Variants in KLF7 observed in about 807,000 individuals in gnomAD.
KLF7 encodes Krueppel-like factor 7.
A neutral mutation model predicts 27.3 loss-of-function variants in KLF7; 2 were observed. The observed-to-expected ratio is 0.07, with a 90% CI of 0.03 to 0.23. The LOEUF (loss-of-function observed/expected upper bound fraction) is 0.23. Ranked by LOEUF, KLF7 falls within the 10% of genes least tolerant of loss-of-function variation. The pLI is 1.00. For synonymous variants in KLF7, 165 were observed against 162.4 expected, an observed-to-expected ratio of 1.02 and a Z score of -0.12; for missense variants, 221 against 394.1, an observed-to-expected ratio of 0.56 and a Z score of 3.72.
At chr2:207,159,436 T>C (rs2078479254) in intron 1 of KLF7, among the ~76,000 whole-genome samples, 1 of 152,252 alleles carries the variant, frequency 6.6e-6, no homozygotes, top group Non-Finnish European at 1.5e-5. Context: ...TCTTTCTTTC[T>C]TTCCTTCTTT....
chr2:207,134,102 A>G (rs757008085), intron 1 of KLF7: 1 of 1,527,976 alleles, frequency 6.5e-7, no homozygotes, highest in East Asian at 2.5e-5. Flanking sequence ...CAGTTACATC[A>G]TCTCCCCTTC....
chr2:207,126,505 T>A (rs1378372614), intron 1 of KLF7, among the ~76,000 whole-genome samples: 1 of 152,194 alleles, frequency 6.6e-6, no homozygotes, highest in African/African-American at 2.4e-5. Context: ...AAATGACCAC[T>A]AATACATATC....
chr2:207,115,407 G>GC (rs1299556684), intron 2 of KLF7, among the ~76,000 whole-genome samples: 10 of 152,190 alleles, frequency 6.6e-5, no homozygotes, highest in African/African-American at 2.4e-4. Flanking sequence ...TATTCTCATT[G>GC]CAGACATCCT....
At chr2:207,159,984 G>A (rs941109428) in intron 1 of KLF7, among the ~76,000 whole-genome samples, 4 of 152,080 alleles carry the variant, frequency 2.6e-5, no homozygotes, top group Non-Finnish European at 5.9e-5. Context: ...AACAATCTTA[G>A]GTAAAAGCAT....
intron 1 of KLF7, among the ~76,000 whole-genome samples, chr2:207,150,587 A>G (rs2078215258): frequency 6.6e-6 from 1 of 152,242 alleles, no homozygotes; most frequent in African/African-American, 2.4e-5. Context: ...ATTTGATTAG[A>G]GCAATCCTAC....
intron 2 of KLF7, among the ~76,000 whole-genome samples, chr2:207,123,305 T>G (rs138592687): frequency 1.9e-3 from 282 of 152,322 alleles, no homozygotes; most frequent in African/African-American, 6.6e-3. Flanking sequence ...GAAACCCTCC[T>G]GCTGTTGGTG....
chr2:207,102,126 TCACACACACA>T (rs59384224), intron 2 of KLF7, among the ~76,000 whole-genome samples: 10 of 141,170 alleles, frequency 7.1e-5, no homozygotes, highest in Admixed American at 2.9e-4. Flanking sequence ...ACATTCACAT[TCACACACACA>T]CACACACACA....
At chr2:207,107,278 G>T (rs1366738043) in intron 2 of KLF7, among the ~76,000 whole-genome samples, 2 of 152,094 alleles carry the variant, frequency 1.3e-5, no homozygotes, top group Non-Finnish European at 2.9e-5. Context: ...TCCTTCCAGG[G>T]CAAGCATTAT....
rs1334220517 is a variant in KLF7 at position 207,076,181 on chromosome 2, C to T, written c.*5032G>A. 6.6e-6 allele frequency: 1 copy of T among 152,120 alleles called. No individual in the cohort carries two copies. Among genetic ancestry groups the T allele is most frequent in the African/African-American group, 2.4e-5 (1 of 41,422 alleles). The allele number at this position is 152,120 out of a possible 1,614,324, so 9.4% of individuals were successfully genotyped here. On this transcript the variant is annotated 3_prime_UTR_variant, in exon 4 of 4. Coordinates refer to ENST00000309446, the MANE Select transcript of KLF7 (RefSeq NM_003709.4). ...GAGCATATATACCACCCTCATTATG[C>T]TGACGTGGGGTCCATCTTATGGCAG...
chr2:207,152,232 G>A (rs1047084472), intron 1 of KLF7, among the ~76,000 whole-genome samples: 7 of 148,518 alleles, frequency 4.7e-5, no homozygotes, highest in Non-Finnish European at 1.0e-4. Context: ...ATGCTTCTAT[G>A]TCAGACTAAG....
chr2:207,146,616 T>G (rs1305608167), intron 1 of KLF7, among the ~76,000 whole-genome samples: 1 of 152,076 alleles, frequency 6.6e-6, no homozygotes, highest in African/African-American at 2.4e-5. Context: ...CTCCCACAAG[T>G]AAGTATCTTC....
chr2:207,112,600 A>G (rs921226152), intron 2 of KLF7, among the ~76,000 whole-genome samples: 6 of 152,236 alleles, frequency 3.9e-5, no homozygotes, highest in South Asian at 4.1e-4. Flanking sequence ...TCAATAAAAC[A>G]GCTCCTTCCC....
At chr2:207,106,521 A>T (rs544632265) in intron 2 of KLF7, among the ~76,000 whole-genome samples, 2 of 152,336 alleles carry the variant, frequency 1.3e-5, no homozygotes, top group South Asian at 4.1e-4. Context: ...AGCTGAGTGG[A>T]TGGGCCATTC....
chr2:207,097,178 C>T (rs2076650946), intron 2 of KLF7, among the ~76,000 whole-genome samples: 2 of 152,108 alleles, frequency 1.3e-5, no homozygotes. Context: ...CTGGCTCTGC[C>T]ACATAATAGC....
chr2:207,128,122 G>A (rs1017962264), intron 1 of KLF7, among the ~76,000 whole-genome samples: 5 of 152,064 alleles, frequency 3.3e-5, no homozygotes, highest in African/African-American at 1.2e-4. Context: ...TGGAAGGGCT[G>A]GAACAATGAA....
intron 1 of KLF7, among the ~76,000 whole-genome samples, chr2:207,149,773 C>G (rs1467242048): frequency 6.6e-6 from 1 of 152,176 alleles, no homozygotes; most frequent in Non-Finnish European, 1.5e-5. Flanking sequence ...TTCAACCTTC[C>G]TTCCAAGCTG....
intron 1 of KLF7, among the ~76,000 whole-genome samples, chr2:207,157,894 A>G (rs2078434408): frequency 6.6e-6 from 1 of 152,230 alleles, no homozygotes; most frequent in Non-Finnish European, 1.5e-5. Context: ...TAAAAGAAAT[A>G]GGGAAGCCAG....
At chr2:207,132,422 T>C (rs2077660559) in intron 1 of KLF7, among the ~76,000 whole-genome samples, 1 of 152,350 alleles carries the variant, frequency 6.6e-6, no homozygotes, top group Admixed American at 6.5e-5. Flanking sequence ...TAAACAAACA[T>C]GAAAGCTGAA....
At position 207,074,233 on chromosome 2, in the gene KLF7, G is replaced by C. The variant is rs1370785113; in HGVS notation, c.*6980C>G. On this transcript the variant is annotated 3_prime_UTR_variant, in exon 4 of 4. Coordinates refer to ENST00000309446, the MANE Select transcript of KLF7 (RefSeq NM_003709.4). ...CCGTATCCACTTCTGTAAGTCCAAA[G>C]AATGCAAAGAAAGCTTGACTACTGC... is the stretch of plus-strand genomic sequence containing the variant. 1.3e-5 allele frequency: 2 copies of C among 152,126 alleles called. No individual in the cohort carries two copies. The highest frequency in any genetic ancestry group is 2.9e-5 in the Non-Finnish European group (2 of 68,022). 9.4% of individuals were successfully genotyped at this position (152,126 alleles called of 1,614,324 possible).
Sources: allele counts gnomAD v4.1 joint callset (sites outside exome capture counted in the v4.1 genomes callset), GRCh38; gene constraint gnomAD v4.1.1; transcripts MANE v1.5; gene names NCBI Gene and HGNC (gene_info 2026-07-23, HGNC 2026-07-21).